Variants in SACS observed in about 807,000 individuals in gnomAD.
SACS encodes the protein sacsin molecular chaperone.
SACS carries 197 observed loss-of-function variants against 348.0 expected under a neutral mutation model. The observed-to-expected ratio is 0.57, with a 90% CI of 0.50 to 0.64. SACS has a LOEUF of 0.64. SACS is among the 30% of genes least tolerant of loss of function. The pLI is 0.00. For synonymous variants in SACS, 1,985 were observed against 1,910.6 expected, an observed-to-expected ratio of 1.04 and a Z score of -1.02; for missense variants, 4,999 against 5,360.8, an observed-to-expected ratio of 0.93 and a Z score of 2.11.
chr13:23,374,171 G>A (rs954929695), intron 3 of SACS: 3 of 152,240 alleles, frequency 2.0e-5, no homozygotes, highest in East Asian at 3.8e-4. Flanking sequence ...ACACCTTGGG[G>A]AACTGATCAG....
Position 23,341,369 on chromosome 13 carries a change from A to G in SACS, c.2507T>C (p.Leu836Pro). 6.2e-7 allele frequency: 1 copy of G among 1,606,696 alleles called. No homozygotes were observed. Residue 836 changes from leucine to proline, a missense_variant, in exon 10 of 10, where the codon CTT becomes CCT. Physicochemically the swap from Leu to Pro is moderately conservative, Grantham distance 98 (BLOSUM62 -3). Coordinates refer to ENST00000382292, the MANE Select transcript of SACS (RefSeq NM_014363.6). ...TACAATGTCTGCTAAAAATTCTGGAAGCTGTGCTTCAGATTCATCGTCTAA... is the reference window on the plus strand; with the variant it reads ...TACAATGTCTGCTAAAAATTCTGGAGGCTGTGCTTCAGATTCATCGTCTAA... ...VILDDESEAQLPEFLADIVQK... is the reference protein window; with the variant it reads ...VILDDESEAQPPEFLADIVQK...
chr13:23,375,266 C>T lies in SACS; in HGVS notation c.24G>A (p.Trp8Ter). 1.4e-6 allele frequency: 2 copies of T among 1,467,938 alleles called. No individual in the cohort carries two copies. The highest frequency in any genetic ancestry group is 1.8e-6 in the Non-Finnish European group (2 of 1,105,524). 90.9% of individuals were successfully genotyped at this position (1,467,938 alleles called of 1,614,324 possible). ...AGCCGGGGAGCACGGTCACCGGGACCCACCTGTGGAAAGCAGAGGGACGCT... is the reference window on the plus strand; with the variant it reads ...AGCCGGGGAGCACGGTCACCGGGACTCACCTGTGGAAAGCAGAGGGACGCT... METKENR[W>*]VPVTVLPGCV... Residue 8 changes from tryptophan (W) to a stop codon, truncating the protein, a stop_gained, in exon 3 of 10, where the codon TGG becomes TGA. Transcript: ENST00000382292. LOFTEE classifies it high-confidence loss of function.
chr13:23,372,726 G>A lies in SACS; in HGVS notation c.172-1561C>T, dbSNP rs149112123. ...GGTCATCATACTTCCCCCTCTGTAT[G>A]TGCTTATCTCTGATGATTACGTCTT... On this transcript the variant is annotated intron_variant, in intron 3 of 9. Coordinates refer to ENST00000382292, the MANE Select transcript of SACS (RefSeq NM_014363.6). Among the ~76,000 whole-genome samples, 23 of 152,234 alleles carry A rather than the reference G, an allele frequency of 1.5e-4. No individual in the cohort carries two copies. The East Asian group carries it at 4.1e-3, about 27-fold the overall frequency.
chr13:23,335,743 C>T lies in SACS; in HGVS notation c.8133G>A (p.Ser2711=), dbSNP rs143386746. Residue 2711 remains serine (S), a synonymous_variant, in exon 10 of 10, where the codon TCG becomes TCA. Transcript: ENST00000382292. The surrounding 1 kb of genome is among the most constrained non-coding windows in gnomAD (Gnocchi z 4.7). ...CTGATGCTGGAACAGACGAAATTTC[C>T]GAAACTTTTGCCATTTCTGCATTAC... ...PLRNAEMAKV[S]EISSVPASDR... 3.2e-5 allele frequency: 51 copies of T among 1,613,962 alleles called. 1 individual carries two copies. The highest frequency in any genetic ancestry group is 1.6e-4 in the Middle Eastern group (1 of 6,062).
rs1566059686 is a variant in SACS at position 23,333,498 on chromosome 13, TTAAGTG to T, written c.10372_10377del (p.His3458_Leu3459del). On this transcript the variant is annotated inframe_deletion, in exon 10 of 10. Transcript: ENST00000382292. Reference sequence around the variant, plus strand: ...CAACCAATCACCTCATATAGTTCTTTTAAGTGTATTTTTTCTTCAAGAAATGCAGAT... The same window carrying T: ...CAACCAATCACCTCATATAGTTCTTTTATTTTTTCTTCAAGAAATGCAGAT... 3 of 1,613,394 alleles carry T rather than the reference TTAAGTG, an allele frequency of 1.9e-6. No homozygotes were observed. Among genetic ancestry groups the T allele is most frequent in the South Asian group, 1.1e-5 (1 of 91,046 alleles).
chr13:23,427,756 T>C (rs1874245678), intron 1 of SACS: 1 of 152,084 alleles, frequency 6.6e-6, no homozygotes. Flanking sequence ...GGTGACAAAG[T>C]GAATTGCACC....
intron 2 of SACS, among the ~76,000 whole-genome samples, chr13:23,393,163 A>G (rs1403667845): frequency 6.6e-6 from 1 of 152,182 alleles, no homozygotes; most frequent in Non-Finnish European, 1.5e-5. Flanking sequence ...CTTGTTCCTA[A>G]GCCCATGTGA....
chr13:23,415,675 TCTTTA>T (rs1458627621), intron 1 of SACS, among the ~76,000 whole-genome samples: 1 of 152,244 alleles, frequency 6.6e-6, no homozygotes, highest in Non-Finnish European at 1.5e-5. Flanking sequence ...ATCTATTTAT[TCTTTA>T]CTTAATATTT....
At chr13:23,366,876 T>A (rs1047664652) in intron 5 of SACS, among the ~76,000 whole-genome samples, 1 of 152,174 alleles carries the variant, frequency 6.6e-6, no homozygotes, top group Non-Finnish European at 1.5e-5. Context: ...ACAAATACCA[T>A]AGAAGGTGGT....
At chr13:23,405,580 T>C (rs1474592438) in intron 2 of SACS, among the ~76,000 whole-genome samples, 1 of 152,084 alleles carries the variant, frequency 6.6e-6, no homozygotes, top group Non-Finnish European at 1.5e-5. Flanking sequence ...AAAGAACTTC[T>C]GCACAGCAAA....
Position 23,341,543 on chromosome 13 carries a change from C to CAT in SACS, c.2331_2332dup (p.Trp778TyrfsTer18). On this transcript the variant is annotated frameshift_variant, in exon 10 of 10. Transcript: ENST00000382292. LOFTEE classifies it high-confidence loss of function. ...AAGATTTTTCCAAACCATCTTAAGC[C>CAT]ATGAAACAGATGGGTGATTTCTGTT... is the stretch of plus-strand genomic sequence containing the variant. 1 of 1,614,028 alleles carries CAT rather than the reference C, an allele frequency of 6.2e-7. No individual in the cohort carries two copies. Among genetic ancestry groups the CAT allele is most frequent in the Non-Finnish European group, 8.5e-7 (1 of 1,179,974 alleles).
Position 23,411,553 on chromosome 13 carries a change from A to T in SACS, c.-314T>A. On this transcript the variant is annotated 5_prime_UTR_variant, in exon 2 of 10. Transcript: ENST00000382292. ...CGCTAAAGGTTTTTGGCTTTCCCCC[A>T]GAGCAAAATCAATTTATTTTCATCT... is the stretch of plus-strand genomic sequence containing the variant. The T allele has an allele frequency of 3.1e-6, 1 of 319,572 alleles. No homozygotes were observed. The highest frequency in any genetic ancestry group is 5.6e-6 in the Non-Finnish European group (1 of 177,904). The allele number at this position is 319,572 out of a possible 1,614,324, so 19.8% of individuals were successfully genotyped here.
chr13:23,364,762 A>G (rs1257186283), intron 6 of SACS, among the ~76,000 whole-genome samples: 1 of 152,134 alleles, frequency 6.6e-6, no homozygotes, highest in African/African-American at 2.4e-5. Flanking sequence ...CTTTCTTCCC[A>G]CCCAACTTCC....
rs944061785 is a variant in SACS, at chr13:23,333,216, C to T, written c.10660G>A (p.Glu3554Lys). 1 of 1,597,372 alleles carries T rather than the reference C, an allele frequency of 6.3e-7. No individual in the cohort carries two copies. The highest frequency in any genetic ancestry group is 1.4e-5 in the African/African-American group (1 of 74,066). Residue 3554 changes from glutamate (E) to lysine (K), a missense_variant, in exon 10 of 10, where the codon GAA becomes AAA. By Grantham distance (56) the Glu-to-Lys change is moderately conservative (BLOSUM62 1). Around this residue, in one of 6 missense-constraint regions of SACS, gnomAD observed 831 missense variants for 941.8 expected, o/e 0.88. Coordinates refer to ENST00000382292, the MANE Select transcript of SACS (RefSeq NM_014363.6). ...AAATCATTAGGAATAAACAATTTTT[C>T]AGGAAGCATAACTTCAAAAACTCTC... ...TVRVFEVMLP[E>K]KLFIPNDFFK...
At position 23,330,524 on chromosome 13, in the gene SACS, A is replaced by G. The variant is rs1883396243; in HGVS notation, c.13352T>C (p.Leu4451Pro). The change falls in exon 10 of 10, where the codon CTA (leucine) becomes CCA (proline). Residue 4451 changes from leucine (L) to proline (P), a missense_variant. Leu to Pro is a moderately conservative substitution (Grantham distance 98). Coordinates refer to ENST00000382292, the MANE Select transcript of SACS (RefSeq NM_014363.6). ...TGAGAAGTTTGCTCTGGCTTGTCTTAGCCATCTGCGTGCTTCCACTGGATT... is the reference window on the plus strand; with the variant it reads ...TGAGAAGTTTGCTCTGGCTTGTCTTGGCCATCTGCGTGCTTCCACTGGATT... ...VGNPVEARRW[L>P]RQARANFSAA... is the part of the protein sequence containing the mutation. 2 of 1,614,204 alleles carry G rather than the reference A, an allele frequency of 1.2e-6. No homozygotes were observed. Among genetic ancestry groups the G allele is most frequent in the Non-Finnish European group, 1.7e-6 (2 of 1,180,026 alleles).
At chr13:23,368,009 A>G (rs545124300) in intron 5 of SACS, among the ~76,000 whole-genome samples, 2 of 152,232 alleles carry the variant, frequency 1.3e-5, no homozygotes, top group South Asian at 4.1e-4. Context: ...TAAAATCAGG[A>G]GTCCAATGGG....
At position 23,365,292 on chromosome 13, in the gene SACS, T is replaced by A; in HGVS notation, c.346-15A>T. On this transcript the variant is annotated splice_polypyrimidine_tract_variant and intron_variant, in intron 5 of 9. Coordinates refer to ENST00000382292, the MANE Select transcript of SACS (RefSeq NM_014363.6). ...TGAATTAATTCCTAACCAAAAAATA[T>A]ACCAAAAAATAGTAATTAATAACAC... is the stretch of plus-strand genomic sequence containing the variant. 2 of 1,403,544 alleles carry A rather than the reference T, an allele frequency of 1.4e-6. No individual in the cohort carries two copies. The highest frequency in any genetic ancestry group is 2.0e-6 in the Non-Finnish European group (2 of 1,004,850). 86.9% of individuals were successfully genotyped at this position (1,403,544 alleles called of 1,614,324 possible). A position where few individuals can be genotyped will look rare whatever the true frequency, so the allele number is the denominator to read the frequency against.
intron 2 of SACS, among the ~76,000 whole-genome samples, chr13:23,408,897 GC>G: frequency 6.6e-6 from 1 of 150,564 alleles, no homozygotes; most frequent in South Asian, 2.1e-4. Flanking sequence ...GGGAGGCGCA[GC>G]TTGCAGTGAG....
At position 23,329,934 on chromosome 13, in the gene SACS, C is replaced by A. The variant is rs770648781; in HGVS notation, c.*202G>T. Reference sequence around the variant, plus strand: ...CATCCAGCTATTTTGCAGCTCACCACCATCTTCAAAATAGTTTTCTTTTAG... The same window carrying A: ...CATCCAGCTATTTTGCAGCTCACCAACATCTTCAAAATAGTTTTCTTTTAG... On this transcript the variant is annotated 3_prime_UTR_variant, in exon 10 of 10. Transcript: ENST00000382292. The A allele has an allele frequency of 5.1e-6, 3 of 592,270 alleles. No homozygotes were observed. Among genetic ancestry groups the A allele is most frequent in the Non-Finnish European group, 8.9e-6 (3 of 336,254 alleles). The allele number at this position is 592,270 out of a possible 1,614,324, so 36.7% of individuals were successfully genotyped here. A position where few individuals can be genotyped will look rare whatever the true frequency, so the allele number is the denominator to read the frequency against.
Sources: allele counts gnomAD v4.1 joint callset (sites outside exome capture counted in the v4.1 genomes callset), GRCh38; gene constraint gnomAD v4.1.1; regional missense constraint gnomAD v4.1.1; non-coding constraint Gnocchi (gnomAD v3.1); transcripts MANE v1.5; gene names NCBI Gene and HGNC (gene_info 2026-07-23, HGNC 2026-07-21).